Variants in MCTP1 observed in about 807,000 individuals in gnomAD.
MCTP1 encodes multiple C2 and transmembrane domain-containing protein 1.
Under a neutral mutation model 120.6 loss-of-function variants are expected in MCTP1, and 69 were observed. The ratio of observed to expected loss-of-function variants is 0.57; its 90% CI spans 0.47 to 0.70. MCTP1 has a LOEUF of 0.70. Ranked by LOEUF, MCTP1 falls within the 30% of genes least tolerant of loss-of-function variation. MCTP1 has a pLI of 0.00. For synonymous variants in MCTP1, 529 were observed against 493.1 expected, an observed-to-expected ratio of 1.07 and a Z score of -0.96; for missense variants, 1,203 against 1,248.8, an observed-to-expected ratio of 0.96 and a Z score of 0.55.
chr5:95,157,853 T>C (rs907730043), intron 1 of MCTP1, among the ~76,000 whole-genome samples: 6 of 152,202 alleles, frequency 3.9e-5, no homozygotes, highest in Admixed American at 2.0e-4. Flanking sequence ...TTCCTTCATT[T>C]ATTGTTTATG....
chr5:94,842,545 A>G (rs1360634816), intron 17 of MCTP1, among the ~76,000 whole-genome samples: 1 of 152,156 alleles, frequency 6.6e-6, no homozygotes, highest in Admixed American at 6.5e-5. Context: ...TTAATTAGTA[A>G]TATGTTTGGG....
chr5:94,748,482 T>C (rs1166414525), intron 19 of MCTP1, among the ~76,000 whole-genome samples: 3 of 152,184 alleles, frequency 2.0e-5, no homozygotes, highest in African/African-American at 7.2e-5. Flanking sequence ...ATACATCCTT[T>C]GTGGCTACAG....
chr5:95,068,364 G>A (rs1411843826), intron 1 of MCTP1, among the ~76,000 whole-genome samples: 2 of 151,990 alleles, frequency 1.3e-5, no homozygotes, highest in African/African-American at 2.4e-5. Flanking sequence ...TTAATAGAAG[G>A]GTAAAATACT....
intron 1 of MCTP1, among the ~76,000 whole-genome samples, chr5:95,098,509 C>T (rs896478152): frequency 6.6e-5 from 10 of 152,054 alleles, no homozygotes; most frequent in African/African-American, 2.4e-4. Flanking sequence ...CATGAGTGAA[C>T]TCCCATTCAC....
chr5:94,828,690 T>C (rs1343092971), intron 17 of MCTP1, among the ~76,000 whole-genome samples: 1 of 152,198 alleles, frequency 6.6e-6, no homozygotes, highest in Non-Finnish European at 1.5e-5. Context: ...CTGGCTACAG[T>C]AGCTTTGCTG....
intron 1 of MCTP1, among the ~76,000 whole-genome samples, chr5:95,172,701 C>A (rs903371068): frequency 6.6e-6 from 1 of 152,038 alleles, no homozygotes; most frequent in Non-Finnish European, 1.5e-5. Context: ...AATATATGCA[C>A]AATACATATT....
intron 10 of MCTP1, among the ~76,000 whole-genome samples, chr5:94,902,321 C>T (rs1037121011): frequency 1.7e-4 from 26 of 152,210 alleles, no homozygotes; most frequent in African/African-American, 5.3e-4. Flanking sequence ...GAATCAGATC[C>T]GGCAAGAGAT....
intron 2 of MCTP1, chr5:94,979,708 A>G (rs1028370209): frequency 6.6e-6 from 1 of 152,124 alleles, no homozygotes; most frequent in Non-Finnish European, 1.5e-5. Flanking sequence ...AAAGGGAGAT[A>G]GTAACACTAG....
intron 11 of MCTP1, among the ~76,000 whole-genome samples, chr5:94,894,230 C>G (rs1218388305): frequency 2.0e-5 from 3 of 152,192 alleles, no homozygotes; most frequent in Non-Finnish European, 1.5e-5. Flanking sequence ...TGTGGATACT[C>G]TTTAGTTACC....
chr5:95,167,660 T>A (rs568918929), intron 1 of MCTP1, among the ~76,000 whole-genome samples: 1,757 of 152,348 alleles, frequency 0.012, 29 homozygotes, highest in African/African-American at 0.039. Flanking sequence ...TGATGGCCAG[T>A]GATGATGAGC....
intron 1 of MCTP1, among the ~76,000 whole-genome samples, chr5:95,157,314 C>T (rs1745235748): frequency 6.6e-6 from 1 of 152,016 alleles, no homozygotes; most frequent in African/African-American, 2.4e-5. Context: ...GAGGGTACTG[C>T]TATAGAAGGT....
chr5:94,983,447 T>G (rs900276864), intron 2 of MCTP1, among the ~76,000 whole-genome samples: 4 of 152,184 alleles, frequency 2.6e-5, no homozygotes, highest in Non-Finnish European at 4.4e-5. Context: ...TAAGTTTTCT[T>G]TCTTATAAAT....
chr5:94,714,347 A>G (rs1405816640), intron 20 of MCTP1, among the ~76,000 whole-genome samples: 1 of 152,144 alleles, frequency 6.6e-6, no homozygotes, highest in African/African-American at 2.4e-5. Flanking sequence ...AATATGATTA[A>G]TTTTTTAAAA....
At chr5:94,723,828 C>T (rs1218696412) in intron 19 of MCTP1, among the ~76,000 whole-genome samples, 4 of 151,182 alleles carry the variant, frequency 2.6e-5, no homozygotes, top group Non-Finnish European at 4.4e-5. Flanking sequence ...TAAGTGGCAG[C>T]TGGCACTCTA....
chr5:95,147,041 T>C (rs1760453151), intron 1 of MCTP1, among the ~76,000 whole-genome samples: 1 of 152,160 alleles, frequency 6.6e-6, no homozygotes, highest in South Asian at 2.1e-4. Flanking sequence ...ACTTGTTTTA[T>C]GAATCTGGGT....
intron 3 of MCTP1, among the ~76,000 whole-genome samples, chr5:94,948,234 A>C (rs139070921): frequency 2.6e-5 from 4 of 152,302 alleles, no homozygotes; most frequent in African/African-American, 9.6e-5. Context: ...AGTCTCATGT[A>C]CCCATACAAA....
chr5:94,954,139 TATATATACATATATATATGC>T (rs1821765486), intron 2 of MCTP1, among the ~76,000 whole-genome samples: 3 of 32,556 alleles, frequency 9.2e-5, no homozygotes, highest in Non-Finnish European at 1.6e-4. Context: ...TATATATGCA[TATATATACATATATATATGC>T]ATATATATAC....
intron 1 of MCTP1, among the ~76,000 whole-genome samples, chr5:95,074,729 T>C (rs1005313259): frequency 3.3e-5 from 5 of 152,278 alleles, no homozygotes; most frequent in Admixed American, 2.0e-4. Flanking sequence ...TGGTTCTACG[T>C]AGGGCGTAAA....
At chr5:95,095,834 A>T (rs1008219820) in intron 1 of MCTP1, among the ~76,000 whole-genome samples, 5 of 152,178 alleles carry the variant, frequency 3.3e-5, no homozygotes, top group Non-Finnish European at 7.4e-5. Flanking sequence ...CCCATCAAAG[A>T]AACGAACTGA....
Sources: allele counts gnomAD v4.1 joint callset (sites outside exome capture counted in the v4.1 genomes callset), GRCh38; gene constraint gnomAD v4.1.1; transcripts MANE v1.5; gene names NCBI Gene and HGNC (gene_info 2026-07-23, HGNC 2026-07-21).